USP4: variants seen among roughly 807,000 people sequenced by gnomAD.
USP4 encodes ubiquitin carboxyl-terminal hydrolase 4.
USP4 carries 72 observed loss-of-function variants against 118.2 expected under a neutral mutation model. The ratio of observed to expected loss-of-function variants is 0.61; its 90% confidence interval spans 0.50 to 0.74. USP4 has a LOEUF of 0.74. USP4 is among the 30% of genes least tolerant of loss of function. The pLI is 0.00. For synonymous variants in USP4, 415 were observed against 440.4 expected (o/e 0.94, Z 0.72); for missense variants, 1,037 against 1,185.7 (o/e 0.87, Z 1.84).
intron 11 of USP4, among the ~76,000 whole-genome samples, chr3:49,299,325 T>G (rs2047240544): frequency 6.6e-6 from 1 of 151,630 alleles, no homozygotes; most frequent in Non-Finnish European, 1.5e-5. Context: ...CCTGACCTCG[T>G]GATCTGCCCG....
intron 17 of USP4, 124 bp downstream of exon 17, chr3:49,284,725 G>T: frequency 8.1e-7 from 1 of 1,237,732 alleles, no homozygotes; most frequent in Non-Finnish European, 1.2e-6. Flanking sequence ...ATCTTGAAGT[G>T]CTTTTCCTTC....
At chr3:49,299,547 C>T (rs1181248413) in intron 11 of USP4, among the ~76,000 whole-genome samples, 2 of 151,646 alleles carry the variant, frequency 1.3e-5, no homozygotes, top group African/African-American at 4.8e-5. Flanking sequence ...CGCCCGCCAC[C>T]ATGCCTGGCT....
chr3:49,278,910 G>T lies in USP4; in HGVS notation c.2645-8C>A. 2.5e-6 allele frequency: 4 copies of T among 1,597,500 alleles called. No homozygotes were observed. In the Middle Eastern group the frequency reaches 5.0e-4, roughly 199 times the overall value. On this transcript the variant is annotated splice_region_variant and splice_polypyrimidine_tract_variant and intron_variant, in intron 20 of 21. Coordinates refer to ENST00000265560, the MANE Select transcript of USP4 (RefSeq NM_003363.4). ...TCTTCGCATATGCAGTGTCTGCCAA[G>T]TCAACAAAGAAAATACTCTAGCGGT...
rs1559464488 is a variant in USP4 at position 49,284,852 on chromosome 3, A to G, written c.2268T>C (p.Ser756=). The G allele has an allele frequency of 6.2e-7, 1 of 1,613,784 alleles. No homozygotes were observed. The highest frequency in any genetic ancestry group is 8.5e-7 in the Non-Finnish European group (1 of 1,179,780). The part of the protein sequence containing the change: ...TRRLYYDEQE[S]EAYEKHVSML... ...CCACGAACCCCGAGGGACCTACCTC[A>G]GATTCTTGCTCATCATAGTAAAGTC... Residue 756 remains serine, a synonymous_variant, in exon 17 of 22, where the codon TCT becomes TCC. Transcript: ENST00000265560.
chr3:49,339,368 T>C (rs2047710203), intron 1 of USP4, among the ~76,000 whole-genome samples: 2 of 152,164 alleles, frequency 1.3e-5, no homozygotes, highest in Non-Finnish European at 2.9e-5. Flanking sequence ...ACCTAGGCTA[T>C]CCTCCTCTCC....
Position 49,283,981 on chromosome 3 carries a change from A to AC in USP4, c.2540+5dup, listed in dbSNP as rs756261350. On this transcript the variant is annotated splice_donor_region_variant and intron_variant, in intron 19 of 21. Coordinates refer to ENST00000265560, the MANE Select transcript of USP4 (RefSeq NM_003363.4). ...TGTTCCTAACACTGTAGTCACCATG[A>AC]CCCACCTGATTGGGAATTCTACGAC... 4 of 1,614,182 alleles carry AC rather than the reference A, an allele frequency of 2.5e-6. No individual in the cohort carries two copies. Among genetic ancestry groups the AC allele is most frequent in the Non-Finnish European group, 3.4e-6 (4 of 1,180,016 alleles).
At chr3:49,307,360 G>A (rs965056008) in intron 8 of USP4, among the ~76,000 whole-genome samples, 2 of 150,378 alleles carry the variant, frequency 1.3e-5, no homozygotes, top group Admixed American at 1.3e-4. Flanking sequence ...AGGTTGCTGT[G>A]AGCCAAGATT....
In USP4 at chr3:49,283,568, C is replaced by T. The variant is rs544531862; in HGVS notation, c.2540+419G>A. 3.3e-4 allele frequency among the ~76,000 whole-genome samples: 50 copies of T among 152,278 alleles called. No individual in the cohort carries two copies. In the South Asian group the frequency reaches 0.01, roughly 32 times the overall value. On this transcript the variant is annotated intron_variant, in intron 19 of 21. Coordinates refer to ENST00000265560, the MANE Select transcript of USP4 (RefSeq NM_003363.4). ...CCAATCCCTACCCCAGGGACAGGAT[C>T]ATGGCAGGTGTGCAGCCCACCTGCA...
At chr3:49,292,730 A>C in intron 14 of USP4, 132 bp from the exon 15 acceptor site, 2 of 614,554 alleles carry the variant, frequency 3.3e-6, no homozygotes, top group Admixed American at 6.6e-5. Flanking sequence ...ATTTATGTAA[A>C]TAGAAGTGCT....
chr3:49,278,168 T>C lies in USP4; in HGVS notation c.*125A>G. 1 of 1,025,556 alleles carries C rather than the reference T, an allele frequency of 9.8e-7. No individual in the cohort carries two copies. 63.5% of individuals were successfully genotyped at this position (1,025,556 alleles called of 1,614,324 possible). A position where few individuals can be genotyped will look rare whatever the true frequency, so the allele number is the denominator to read the frequency against. ...TTTTTTTTTTTTTGTTTCCTTCTGC[T>C]CATAAAAGAAGGGTATTTCCTTGTC... On this transcript the variant is annotated 3_prime_UTR_variant, in exon 22 of 22. Coordinates refer to ENST00000265560, the MANE Select transcript of USP4 (RefSeq NM_003363.4).
At chr3:49,335,374 A>G (rs1013243862) in intron 2 of USP4, 95 bp downstream of exon 2, 12 of 1,547,144 alleles carry the variant, frequency 7.8e-6, no homozygotes, top group Non-Finnish European at 1.1e-5. Context: ...ATCTCCTCAC[A>G]CTAGGAAAGT....
rs1309294528 is a variant in USP4 at position 49,324,651 on chromosome 3, T to C, written c.695+51A>G. The C allele has an allele frequency of 3.3e-6, 5 of 1,529,186 alleles. No individual in the cohort carries two copies. The African/African-American group carries it at 5.5e-5, about 17-fold the overall frequency. 94.7% of individuals were successfully genotyped at this position (1,529,186 alleles called of 1,614,324 possible). ...GTACAAGTACTGCCTTAGGAAAGAC[T>C]GTCTCTTTTGCACATGTGAGCCTAC... On this transcript the variant is annotated intron_variant, in intron 6 of 21. Coordinates refer to ENST00000265560, the MANE Select transcript of USP4 (RefSeq NM_003363.4).
chr3:49,290,601 G>A (rs1041934756), intron 15 of USP4, among the ~76,000 whole-genome samples: 14 of 152,130 alleles, frequency 9.2e-5, no homozygotes, highest in African/African-American at 2.2e-4. Context: ...TGCAACCTCC[G>A]CTTCCTGGGT....
At chr3:49,308,029 C>G (rs772309337) in intron 8 of USP4, among the ~76,000 whole-genome samples, 1 of 151,908 alleles carries the variant, frequency 6.6e-6, no homozygotes. Flanking sequence ...GAATTTTGCT[C>G]TGCTCAAACA....
At chr3:49,287,542 G>A (rs925100186) in intron 15 of USP4, among the ~76,000 whole-genome samples, 10 of 150,134 alleles carry the variant, frequency 6.7e-5, no homozygotes, top group African/African-American at 1.2e-4. Context: ...GTGCAATCTC[G>A]GCTCACTGCC....
chr3:49,298,054 T>C (rs1213695223), intron 12 of USP4, 90 bp from the exon 13 acceptor site: 2 of 831,730 alleles, frequency 2.4e-6, no homozygotes, highest in Non-Finnish European at 3.9e-6. Context: ...AAAAAAAAAA[T>C]ACTCATACTC....
intron 8 of USP4, among the ~76,000 whole-genome samples, chr3:49,308,325 T>C (rs1322851278): frequency 6.6e-6 from 1 of 151,996 alleles, no homozygotes; most frequent in African/African-American, 2.4e-5. Context: ...TATACTTTAT[T>C]ATATATTTTT....
Position 49,292,561 on chromosome 3 carries a change from T to C in USP4, c.1921A>G (p.Ser641Gly). The C allele has an allele frequency of 6.2e-7, 1 of 1,601,444 alleles. No individual in the cohort carries two copies. Among genetic ancestry groups the C allele is most frequent in the Non-Finnish European group, 8.5e-7 (1 of 1,173,382 alleles). Reference protein sequence around the residue: ...VKQPLPDEFGSSPLEPGACNG... With the variant: ...VKQPLPDEFGGSPLEPGACNG... ...CAGGCCCCTGGCTCCAAGGGTGAGCTGCCAAACTCATCAGGTAAAGGCTGT... is the reference window on the plus strand; with the variant it reads ...CAGGCCCCTGGCTCCAAGGGTGAGCCGCCAAACTCATCAGGTAAAGGCTGT... The change falls in exon 15 of 22, where the codon AGC becomes GGC. Residue 641 changes from serine (S) to glycine (G), a missense_variant. Ser to Gly is a moderately conservative substitution (Grantham distance 56). Transcript: ENST00000265560.
chr3:49,295,587 T>A lies in USP4; in HGVS notation c.1692-989A>T, dbSNP rs1051688069. ...ATTGAGGAGATTTATAGATGTTTTA[T>A]CCTGGAACAGATGTTACCAAAATTG... On this transcript the variant is annotated intron_variant, in intron 13 of 21. Coordinates refer to ENST00000265560, the MANE Select transcript of USP4 (RefSeq NM_003363.4). Among the ~76,000 whole-genome samples, 7 of 152,078 alleles carry A rather than the reference T, an allele frequency of 4.6e-5. 1 individual carries two copies. Among genetic ancestry groups the A allele is most frequent in the Admixed American group, 3.9e-4 (6 of 15,228 alleles).
Sources: allele counts gnomAD v4.1 joint callset (sites outside exome capture counted in the v4.1 genomes callset), GRCh38; gene constraint gnomAD v4.1.1; transcripts MANE v1.5; gene names NCBI Gene and HGNC (gene_info 2026-07-23, HGNC 2026-07-21).